The following GHDC variants were observed in gnomAD, a reference collection of about 807,000 sequenced individuals.
GHDC encodes GH3 domain-containing protein.
GHDC carries 39 observed loss-of-function variants against 51.5 expected under a neutral mutation model. The observed-to-expected ratio is 0.76, with a 90% confidence interval of 0.59 to 0.99. GHDC has a LOEUF of 0.99. Among genes scored for constraint, GHDC ranks in the 50% least tolerant of loss-of-function variants. GHDC has a pLI of 0.00. For missense variants in GHDC, 610 were observed against 672.8 expected, an observed-to-expected ratio of 0.91 and a Z score of 1.03; for synonymous variants, 282 against 305.2, an observed-to-expected ratio of 0.92 and a Z score of 0.79.
chr17:42,190,725 T>C lies in GHDC; in HGVS notation c.1187A>G (p.Asp396Gly). The C allele has an allele frequency of 6.2e-7, 1 of 1,614,014 alleles. No individual in the cohort carries two copies. The highest frequency in any genetic ancestry group is 8.5e-7 in the Non-Finnish European group (1 of 1,180,016). Reference protein sequence around the residue: ...LDQTLSVRGEDIGEDLFSEAL... With the variant: ...LDQTLSVRGEGIGEDLFSEAL... ...CTCAGAGAACAGGTCTTCACCAATATCTTCCCCTCGCACACTCAGGGTCTG... is the reference window on the plus strand; with the variant it reads ...CTCAGAGAACAGGTCTTCACCAATACCTTCCCCTCGCACACTCAGGGTCTG... Residue 396 changes from aspartate (D) to glycine (G), a missense_variant, in exon 8 of 10, where the codon GAT becomes GGT. Asp to Gly is a moderately conservative substitution (Grantham distance 94). Around this residue, in one of 2 missense-constraint regions of GHDC, gnomAD observed 412 missense variants for 410.4 expected, o/e 1.00. Coordinates refer to ENST00000587427, the MANE Select transcript of GHDC (RefSeq NM_032484.5).
rs1445667303 is a variant in GHDC at position 42,192,285 on chromosome 17, C to T, written c.845G>A (p.Cys282Tyr). The T allele has an allele frequency of 5.1e-6, 8 of 1,580,936 alleles. No individual in the cohort carries two copies. Among genetic ancestry groups the T allele is most frequent in the Non-Finnish European group, 6.9e-6 (8 of 1,163,924 alleles). The change falls in exon 5 of 10, where the codon TGC becomes TAC. Residue 282 changes from cysteine to tyrosine, a missense_variant. Around this residue, in one of 2 missense-constraint regions of GHDC, gnomAD observed 412 missense variants for 410.4 expected, o/e 1.00. Transcript: ENST00000587427. ...AGGAGAGAAGAAGGCTAGTCCTTGG[C>T]ACCACAAGGCCCCGAGGGCAGCCAC... The part of the protein sequence containing the change: ...EAVAALGALW[C>Y]QGLAFFSPAY...
rs1157337977 is a variant in GHDC, at chr17:42,193,324, C to T, written c.258G>A (p.Arg86=). The change falls in exon 3 of 10, where the codon AGG becomes AGA. Residue 86 remains arginine (R), a synonymous_variant. Coordinates refer to ENST00000587427, the MANE Select transcript of GHDC (RefSeq NM_032484.5). The part of the protein sequence containing the change: ...GAQRPHCSLR[R]STDISTFRNH... ...AGACCCTGGGAAACACACCTGTGCT[C>T]CTTCTGAGGGAACAGTGGGGGCGCT... 1 of 1,600,878 alleles carries T rather than the reference C, an allele frequency of 6.2e-7. No individual in the cohort carries two copies. The highest frequency in any genetic ancestry group is 2.2e-5 in the East Asian group (1 of 44,566).
intron 5 of GHDC, among the ~76,000 whole-genome samples, chr17:42,191,959 C>T (rs1027308826): frequency 3.3e-4 from 50 of 152,124 alleles, no homozygotes; most frequent in East Asian, 9.7e-4. Flanking sequence ...GATGGGGTTT[C>T]GCCATGTTGG....
In GHDC at chr17:42,191,227, G is replaced by T. The variant is rs2079966817; in HGVS notation, c.890-17C>A. ...CCAGCACCCCTGTGAAAGCAAAGCA[G>T]CCTCCTCAGCGTCTGCTGGTGCCAT... On this transcript the variant is annotated splice_polypyrimidine_tract_variant and intron_variant, in intron 5 of 9. Coordinates refer to ENST00000587427, the MANE Select transcript of GHDC (RefSeq NM_032484.5). 6.7e-7 allele frequency: 1 copy of T among 1,485,130 alleles called. No individual in the cohort carries two copies. The highest frequency in any genetic ancestry group is 2.6e-5 in the Admixed American group (1 of 38,136). 92.0% of individuals were successfully genotyped at this position (1,485,130 alleles called of 1,614,324 possible).
In GHDC at chr17:42,193,323, T is replaced by C; in HGVS notation, c.259A>G (p.Ser87Gly). 1 of 1,600,538 alleles carries C rather than the reference T, an allele frequency of 6.2e-7. No homozygotes were observed. The highest frequency in any genetic ancestry group is 8.5e-7 in the Non-Finnish European group (1 of 1,173,704). The change falls in exon 3 of 10, where the codon AGC becomes GGC. Residue 87 changes from serine (S) to glycine (G), a missense_variant. Ser to Gly is a moderately conservative substitution (Grantham distance 56). Coordinates refer to ENST00000587427, the MANE Select transcript of GHDC (RefSeq NM_032484.5). ...AQRPHCSLRR[S>G]TDISTFRNHL... Reference sequence around the variant, plus strand: ...CAGACCCTGGGAAACACACCTGTGCTCCTTCTGAGGGAACAGTGGGGGCGC... The same window carrying C: ...CAGACCCTGGGAAACACACCTGTGCCCCTTCTGAGGGAACAGTGGGGGCGC...
At position 42,192,526 on chromosome 17, in the gene GHDC, TC is replaced by T; in HGVS notation, c.603del (p.Thr202ArgfsTer19). 1.2e-6 allele frequency: 2 copies of T among 1,613,680 alleles called. No individual in the cohort carries two copies. Among genetic ancestry groups the T allele is most frequent in the Non-Finnish European group, 1.7e-6 (2 of 1,180,026 alleles). On this transcript the variant is annotated frameshift_variant, in exon 5 of 10. Transcript: ENST00000587427. LOFTEE classifies it high-confidence loss of function. ...RSPGLRALEAGTAVELLDVFL... is the reference protein window; with the variant it reads ...RSPGLRALEAXTAVELLDVFL... ...AAAACATCCAGAAGTTCGACAGCCG[TC>T]CCAGCCTCCAGTGCCCTCAGCCCTG...
Position 42,190,631 on chromosome 17 carries a change from G to A in GHDC, c.1281C>T (p.Ser427=). The stretch of plus-strand genomic sequence containing the variant: ...GCCGGTGGGGAGGCTCACCCAGAAT[G>A]CTGCTCTCCACACAGCCATGGTCCA... ...KLLDHGCVES[S]ILDSSAGSAP... is the part of the protein sequence containing the mutation. The change falls in exon 8 of 10, where the codon AGC becomes AGT. Residue 427 remains serine (S), a synonymous_variant. Transcript: ENST00000587427. The A allele has an allele frequency of 6.2e-7, 1 of 1,611,510 alleles. No individual in the cohort carries two copies. Among genetic ancestry groups the A allele is most frequent in the Non-Finnish European group, 8.5e-7 (1 of 1,179,656 alleles).
rs1030658692 is a variant in GHDC, at chr17:42,190,253, C to T, written c.1306G>A (p.Ala436Thr). 14 of 1,614,180 alleles carry T rather than the reference C, an allele frequency of 8.7e-6. No individual in the cohort carries two copies. The highest frequency in any genetic ancestry group is 1.7e-5 in the Admixed American group (1 of 60,020). ...SSILDSSAGS[A>T]PHYEVFVALR... ...GCCACAAACACCTCGTAGTGGGGAG[C>T]AGAGCCCGCAGAGGAATCTGTGAAT... Residue 436 changes from alanine (A) to threonine (T), a missense_variant, in exon 9 of 10, where the codon GCT (alanine) becomes ACT (threonine). This residue lies in a region of GHDC where 412 missense variants were observed against 410.4 expected (regional missense o/e 1.00). Transcript: ENST00000587427.
rs747543747 is a variant in GHDC at position 42,193,541 on chromosome 17, G to GGCAGCA, written c.35_40dup (p.Leu12_Leu13dup). The stretch of plus-strand genomic sequence containing the variant: ...CTGCTGCCTGAGCAGGGCCAATGTT[G>GGCAGCA]GCAGCAGCAGCAGCAGCAGCAGCAG... On this transcript the variant is annotated inframe_insertion, in exon 3 of 10. Transcript: ENST00000587427. 9 of 1,543,088 alleles carry GGCAGCA rather than the reference G, an allele frequency of 5.8e-6. No homozygotes were observed. Among genetic ancestry groups the GGCAGCA allele is most frequent in the Admixed American group, 3.9e-5 (2 of 50,918 alleles).
rs1348448738 is a variant in GHDC, at chr17:42,192,933, G to A, written c.360C>T (p.Asn120=). Residue 120 remains asparagine, a synonymous_variant, in exon 4 of 10, where the codon AAC becomes AAT. Coordinates refer to ENST00000587427, the MANE Select transcript of GHDC (RefSeq NM_032484.5). ...GCAGAGAGGCCTCCCCAAGGTCCTG[G>A]TTTGAGGTCGGGGGCAGTGGCTGCT... is the stretch of plus-strand genomic sequence containing the variant. The part of the protein sequence containing the change: ...SGEQPLPPTS[N]QDLGEASLQA... The A allele has an allele frequency of 9.3e-6, 15 of 1,614,004 alleles. No individual in the cohort carries two copies. The highest frequency in any genetic ancestry group is 1.3e-5 in the Non-Finnish European group (15 of 1,180,026).
intron 5 of GHDC, among the ~76,000 whole-genome samples, 160 bp downstream of exon 5, chr17:42,192,081 G>A (rs1306119547): frequency 6.6e-6 from 1 of 152,166 alleles, no homozygotes; most frequent in Non-Finnish European, 1.5e-5. Flanking sequence ...TTAACCTAGA[G>A]AGCCTGAATT....
At chr17:42,194,311 T>A (rs540598053) in intron 1 of GHDC, 82 bp downstream of exon 1, 5 of 152,506 alleles carry the variant, frequency 3.3e-5, no homozygotes, top group African/African-American at 1.2e-4. Context: ...CCCGAGTGGC[T>A]TTGCTTTCTC....
At position 42,190,840 on chromosome 17, in the gene GHDC, G is replaced by A. The variant is rs766684858; in HGVS notation, c.1146C>T (p.Phe382=). The A allele has an allele frequency of 1.9e-6, 3 of 1,613,430 alleles. No individual in the cohort carries two copies. The highest frequency in any genetic ancestry group is 3.3e-5 in the Admixed American group (2 of 59,856). ...TCCCCGGGGTCACCTACCTGCAGAT[G>A]AACCTGACGACTGGACACTGATTGT... ...GAYNQCPVVR[F]ICRLDQTLSV... is the part of the protein sequence containing the mutation. The change falls in exon 7 of 10, where the codon TTC becomes TTT. Residue 382 remains phenylalanine, a synonymous_variant. Coordinates refer to ENST00000587427, the MANE Select transcript of GHDC (RefSeq NM_032484.5).
intron 5 of GHDC, among the ~76,000 whole-genome samples, chr17:42,191,480 A>G (rs1178442225): frequency 6.6e-6 from 1 of 151,490 alleles, no homozygotes; most frequent in African/African-American, 2.4e-5. Flanking sequence ...TTTTTTTGAG[A>G]CAGAGTCTCG....
At position 42,193,572 on chromosome 17, in the gene GHDC, A is replaced by G; in HGVS notation, c.10T>C (p.Trp4Arg). 2 of 1,537,004 alleles carry G rather than the reference A, an allele frequency of 1.3e-6. No individual in the cohort carries two copies. The highest frequency in any genetic ancestry group is 1.7e-6 in the Non-Finnish European group (2 of 1,144,994). The change falls in exon 3 of 10, where the codon TGG becomes CGG. Residue 4 changes from tryptophan (W) to arginine (R), a missense_variant. Coordinates refer to ENST00000587427, the MANE Select transcript of GHDC (RefSeq NM_032484.5). ...AGCAGCAGCAGCAGCAGCAGTGGCC[A>G]CAGCAGCATCTCCAAGCAGCTCCTG... MLLWPLLLLLLLLP... is the reference protein window; with the variant it reads MLLRPLLLLLLLLP...
At position 42,192,266 on chromosome 17, in the gene GHDC, G is replaced by A. The variant is rs201881174; in HGVS notation, c.864C>T (p.Phe288=). 11 of 1,559,016 alleles carry A rather than the reference G, an allele frequency of 7.1e-6. No individual in the cohort carries two copies. The highest frequency in any genetic ancestry group is 1.4e-5 in the African/African-American group (1 of 73,422). Residue 288 remains phenylalanine, a synonymous_variant, in exon 5 of 10, where the codon TTC becomes TTT. Transcript: ENST00000587427. ...CTCCCGAGGCAGCATAAGCAGGAGA[G>A]AAGAAGGCTAGTCCTTGGCACCACA... is the stretch of plus-strand genomic sequence containing the variant. The part of the protein sequence containing the change: ...GALWCQGLAF[F]SPAYAASGGV...
intron 5 of GHDC, 75 bp from the exon 6 acceptor site, chr17:42,191,285 C>A (rs973323057): frequency 2.2e-6 from 3 of 1,362,410 alleles, no homozygotes; most frequent in Non-Finnish European, 2.9e-6. Flanking sequence ...CCTCCTGGAT[C>A]CCAGGCCTGA....
At chr17:42,191,231 C>G (rs1378653488) in intron 5 of GHDC, 21 bp from the exon 6 acceptor site, 1 of 1,482,988 alleles carries the variant, frequency 6.7e-7, no homozygotes, top group Non-Finnish European at 8.9e-7. Flanking sequence ...AAAGCAGCCT[C>G]CTCAGCGTCT....
In GHDC at chr17:42,190,643, A is replaced by G. The variant is rs1244210096; in HGVS notation, c.1269T>C (p.Cys423=). The G allele has an allele frequency of 1.1e-5, 17 of 1,612,674 alleles. No individual in the cohort carries two copies. Among genetic ancestry groups the G allele is most frequent in the Middle Eastern group, 1.6e-4 (1 of 6,082 alleles). Residue 423 remains cysteine (C), a synonymous_variant, in exon 8 of 10, where the codon TGT becomes TGC. Transcript: ENST00000587427. ...GCTCACCCAGAATGCTGCTCTCCAC[A>G]CAGCCATGGTCCAGCAGCTTGGCCC... ...WAGAKLLDHG[C]VESSILDSSA... is the part of the protein sequence containing the mutation.
Sources: gnomAD v4.1 joint callset for allele counts (sites outside exome capture counted in the v4.1 genomes callset) on GRCh38, gnomAD v4.1.1 for gene constraint, gnomAD v4.1.1 regional missense constraint, MANE v1.5 for transcripts, NCBI Gene and HGNC (gene_info 2026-07-23, HGNC 2026-07-21) for gene names.